The following PHAF1 variants were observed in gnomAD, a reference collection of about 807,000 sequenced individuals.
The protein encoded by PHAF1 is phagosome assembly factor 1.
Under a neutral mutation model 63.1 loss-of-function variants are expected in PHAF1, and 23 were observed. The ratio of observed to expected loss-of-function variants is 0.36; its 90% CI spans 0.26 to 0.52. PHAF1 has a LOEUF of 0.52. PHAF1 is among the 20% of genes least tolerant of loss of function. The pLI is 0.93. For missense variants in PHAF1, 427 were observed against 517.2 expected (o/e 0.83, Z 1.69); for synonymous variants, 167 against 185.0 (o/e 0.90, Z 0.79).
chr16:67,140,172 ATT>A, intron 9 of PHAF1, 55 bp downstream of exon 9: 1 of 1,569,350 alleles, frequency 6.4e-7, no homozygotes, highest in Non-Finnish European at 8.7e-7. Context: ...CTAATTTAAT[ATT>A]GAGTATAAAC....
Position 67,141,846 on chromosome 16 carries a change from G to C in PHAF1, c.879+1252G>C, listed in dbSNP as rs559043747. 1.6e-3 allele frequency among the ~76,000 whole-genome samples: 250 copies of C among 152,332 alleles called. 1 individual carries two copies. The highest frequency in any genetic ancestry group is 5.7e-3 in the African/African-American group (237 of 41,572). On this transcript the variant is annotated intron_variant, in intron 10 of 15. Transcript: ENST00000219139. ...GGGTGTCACAGCTCTGGCTCGGGGAGCTCCTAGGTCTGGGCTTCCTGAAGG... is the reference window on the plus strand; with the variant it reads ...GGGTGTCACAGCTCTGGCTCGGGGACCTCCTAGGTCTGGGCTTCCTGAAGG...
At chr16:67,125,678 A>G (rs1439576413) in intron 2 of PHAF1, among the ~76,000 whole-genome samples, 3 of 152,218 alleles carry the variant, frequency 2.0e-5, no homozygotes, top group Non-Finnish European at 1.5e-5. Flanking sequence ...CTGTATACTC[A>G]TATAACTTTG....
intron 8 of PHAF1, 152 bp downstream of exon 8, chr16:67,134,619 T>G: frequency 1.3e-6 from 1 of 749,960 alleles, no homozygotes; most frequent in Non-Finnish European, 2.3e-6. Flanking sequence ...AAAAATTTAT[T>G]TCTTGCAGTT....
chr16:67,130,168 T>A (rs958000174), intron 3 of PHAF1, among the ~76,000 whole-genome samples: 6 of 151,712 alleles, frequency 4.0e-5, no homozygotes. Context: ...TGCCTCAGCC[T>A]CCTCAGTAGC....
chr16:67,131,176 A>G (rs1963378349), intron 3 of PHAF1, 110 bp from the exon 4 acceptor site: 2 of 557,680 alleles, frequency 3.6e-6, no homozygotes, highest in South Asian at 6.0e-5. Context: ...TTCTATTGGT[A>G]ATAGTTTTTT....
rs1422752473 is a variant in PHAF1, at chr16:67,120,302, TG to T, written c.147+111del. On this transcript the variant is annotated intron_variant, in intron 2 of 15. Transcript: ENST00000219139. ...ACTGGCAAGGATAGCTGTGTTCGAA[TG>T]GGAGAATCTCTAGCACCAGCCAGTT... 4.1e-6 allele frequency: 4 copies of T among 986,320 alleles called. No individual in the cohort carries two copies. In the African/African-American group the frequency reaches 6.6e-5, roughly 16 times the overall value. 61.1% of individuals were successfully genotyped at this position (986,320 alleles called of 1,614,324 possible).
intron 3 of PHAF1, 107 bp downstream of exon 3, chr16:67,126,149 G>A (rs1963180617): frequency 1.2e-6 from 1 of 831,210 alleles, no homozygotes; most frequent in Non-Finnish European, 2.0e-6. Context: ...AGTAGGTGTG[G>A]ACTTCTTTGG....
intron 1 of PHAF1, among the ~76,000 whole-genome samples, chr16:67,115,484 A>G (rs1962699599): frequency 1.3e-5 from 2 of 152,198 alleles, no homozygotes; most frequent in South Asian, 4.1e-4. Flanking sequence ...TGGAAAGAAG[A>G]TATAGATGGG....
At chr16:67,141,543 G>C (rs1046978524) in intron 10 of PHAF1, among the ~76,000 whole-genome samples, 1 of 152,214 alleles carries the variant, frequency 6.6e-6, no homozygotes, top group Admixed American at 6.5e-5. Context: ...TACCAGCCTG[G>C]ATCCCATGCC....
At chr16:67,127,000 T>G (rs1396926210) in intron 3 of PHAF1, among the ~76,000 whole-genome samples, 1 of 151,604 alleles carries the variant, frequency 6.6e-6, no homozygotes, top group Non-Finnish European at 1.5e-5. Context: ...GCAATTCTCC[T>G]GCCTCAGCCT....
chr16:67,132,615 G>C (rs1032143938), intron 5 of PHAF1, 90 bp downstream of exon 5: 2 of 1,402,810 alleles, frequency 1.4e-6, no homozygotes, highest in Non-Finnish European at 2.0e-6. Context: ...CCACTTCCTG[G>C]AGTCAGGCTC....
intron 4 of PHAF1, 75 bp from the exon 5 acceptor site, chr16:67,132,371 T>A: frequency 7.8e-7 from 1 of 1,286,466 alleles, no homozygotes; most frequent in Middle Eastern, 1.9e-4. Context: ...AAAATAACTC[T>A]CCCAGCTACT....
At chr16:67,120,771 T>C (rs1329276937) in intron 2 of PHAF1, among the ~76,000 whole-genome samples, 2 of 151,992 alleles carry the variant, frequency 1.3e-5, no homozygotes, top group Non-Finnish European at 2.9e-5. Context: ...CCTCAGGGAA[T>C]AGTTTTGAGC....
In PHAF1 at chr16:67,140,067, C is replaced by G. The variant is rs140031551; in HGVS notation, c.745C>G (p.Leu249Val). The G allele has an allele frequency of 6.2e-7, 1 of 1,614,012 alleles. No homozygotes were observed. The highest frequency in any genetic ancestry group is 2.2e-5 in the East Asian group (1 of 44,902). ...VYFGDSCQDV[L>V]SMLGSPHKVF... Reference sequence around the variant, plus strand: ...TTTTGGTGATTCCTGCCAAGATGTTCTTAGCATGCTTGGCTCTCCACACAA... The same window carrying G: ...TTTTGGTGATTCCTGCCAAGATGTTGTTAGCATGCTTGGCTCTCCACACAA... Residue 249 changes from leucine to valine, a missense_variant, in exon 9 of 16, where the codon CTT (leucine) becomes GTT (valine). By Grantham distance (32) the Leu-to-Val change is conservative. Coordinates refer to ENST00000219139, the MANE Select transcript of PHAF1 (RefSeq NM_025187.5).
At position 67,132,597 on chromosome 16, in the gene PHAF1, A is replaced by G. The variant is rs1422791468; in HGVS notation, c.355+72A>G. On this transcript the variant is annotated intron_variant, in intron 5 of 15. Transcript: ENST00000219139. ...AGCAATAAACCTGCCCGGTAGTGCC[A>G]TCCCACCCCACTTCCTGGAGTCAGG... is the stretch of plus-strand genomic sequence containing the variant. 1.2e-5 allele frequency: 18 copies of G among 1,475,446 alleles called. 1 individual carries two copies. The highest frequency in any genetic ancestry group is 1.7e-4 in the Middle Eastern group (1 of 5,808). The allele number at this position is 1,475,446 out of a possible 1,614,324, so 91.4% of individuals were successfully genotyped here. A position where few individuals can be genotyped will look rare whatever the true frequency, so the allele number is the denominator to read the frequency against.
In PHAF1 at chr16:67,110,036, C is replaced by T. The variant is rs909644452; in HGVS notation, c.-140C>T. The T allele has an allele frequency of 1.1e-5, 9 of 834,190 alleles. No individual in the cohort carries two copies. Among genetic ancestry groups the T allele is most frequent in the African/African-American group, 5.1e-5 (3 of 58,392 alleles). 51.7% of individuals were successfully genotyped at this position (834,190 alleles called of 1,614,324 possible). A position where few individuals can be genotyped will look rare whatever the true frequency, so the allele number is the denominator to read the frequency against. ...TGTGGTGTTGGGCCGGTGCTGCTGC[C>T]GCTGCCGCCGGGGAGGAGGTGGAAA... On this transcript the variant is annotated 5_prime_UTR_variant, in exon 1 of 16. Transcript: ENST00000219139.
In PHAF1 at chr16:67,110,368, G is replaced by A. The variant is rs894716754; in HGVS notation, c.64+129G>A. On this transcript the variant is annotated intron_variant, in intron 1 of 15. Coordinates refer to ENST00000219139, the MANE Select transcript of PHAF1 (RefSeq NM_025187.5). ...CTCACCTCTTTCGTCCTCTCGGCTC[G>A]CTGGGCTCCAGGCACTAGATACCCG... The A allele has an allele frequency of 3.0e-5, 31 of 1,050,782 alleles. No homozygotes were observed. The South Asian group carries it at 4.3e-4, about 15-fold the overall frequency. The allele number at this position is 1,050,782 out of a possible 1,614,324, so 65.1% of individuals were successfully genotyped here.
At chr16:67,120,274 C>G (rs2090052933) in intron 2 of PHAF1, 80 bp downstream of exon 2, 2 of 1,330,028 alleles carry the variant, frequency 1.5e-6, no homozygotes, top group Non-Finnish European at 2.1e-6. Flanking sequence ...TTGGGATAGG[C>G]TGACTGGCAA....
At chr16:67,132,257 A>T in intron 4 of PHAF1, 189 bp from the exon 5 acceptor site, 1 of 573,732 alleles carries the variant, frequency 1.7e-6, no homozygotes, top group South Asian at 2.2e-5. Flanking sequence ...TATCAGCCTC[A>T]TGAGAACTGA....
Sources: allele counts gnomAD v4.1 joint callset (sites outside exome capture counted in the v4.1 genomes callset), GRCh38; gene constraint gnomAD v4.1.1; transcripts MANE v1.5; gene names NCBI Gene and HGNC (gene_info 2026-07-23, HGNC 2026-07-21).